The following PTPRM variants were observed in gnomAD, a reference collection of about 807,000 sequenced individuals.
The protein encoded by PTPRM is receptor-type tyrosine-protein phosphatase mu.
PTPRM carries 47 observed loss-of-function variants against 186.7 expected under a neutral mutation model. That is an observed-to-expected ratio of 0.25 (90% CI 0.20 to 0.32). The LOEUF (loss-of-function observed/expected upper bound fraction) is 0.32, where lower values mean the gene tolerates loss of function less well. Among genes scored for constraint, PTPRM ranks in the 10% least tolerant of loss-of-function variants. The pLI is 1.00. For synonymous variants in PTPRM, 668 were observed against 674.9 expected (o/e 0.99, Z 0.16); for missense variants, 1,494 against 1,865.0 (o/e 0.80, Z 3.66).
intron 1 of PTPRM, among the ~76,000 whole-genome samples, chr18:7,655,783 T>C (rs2038832159): frequency 6.6e-6 from 1 of 152,224 alleles, no homozygotes; most frequent in African/African-American, 2.4e-5. Context: ...AGAAGTCAGT[T>C]TGAATAAGTC....
At chr18:8,109,623 T>C (rs952256042) in intron 11 of PTPRM, among the ~76,000 whole-genome samples, 2 of 152,212 alleles carry the variant, frequency 1.3e-5, no homozygotes, top group Non-Finnish European at 2.9e-5. Context: ...AAATGATTTT[T>C]TTCATGTTTG....
intron 7 of PTPRM, among the ~76,000 whole-genome samples, chr18:8,013,956 T>C (rs1766314044): frequency 6.6e-6 from 1 of 152,144 alleles, no homozygotes; most frequent in Non-Finnish European, 1.5e-5. Context: ...TTAGTGAAAA[T>C]TATATCTAAA....
chr18:8,307,814 A>AT (rs201936262), intron 20 of PTPRM, among the ~76,000 whole-genome samples: 3,196 of 152,052 alleles, frequency 0.021, 118 homozygotes, highest in African/African-American at 0.074. Flanking sequence ...CAAAAAAAAA[A>AT]AATAAAAATA....
At chr18:7,864,575 T>C (rs966580663) in intron 2 of PTPRM, among the ~76,000 whole-genome samples, 2 of 152,232 alleles carry the variant, frequency 1.3e-5, no homozygotes, top group African/African-American at 4.8e-5. Flanking sequence ...TTGGTACCAG[T>C]ACCATGCTGT....
intron 1 of PTPRM, among the ~76,000 whole-genome samples, chr18:7,711,886 A>T (rs2040221736): frequency 6.6e-6 from 1 of 152,144 alleles, no homozygotes; most frequent in Non-Finnish European, 1.5e-5. Flanking sequence ...ACCAGGGGGA[A>T]GGGGTGGCTG....
chr18:8,389,693 A>T (rs1176071408), intron 31 of PTPRM, among the ~76,000 whole-genome samples: 1 of 152,124 alleles, frequency 6.6e-6, no homozygotes, highest in African/African-American at 2.4e-5. Flanking sequence ...TATATATCTA[A>T]ATCTAAGGCT....
At chr18:7,665,747 C>T (rs1433377061) in intron 1 of PTPRM, among the ~76,000 whole-genome samples, 3 of 151,866 alleles carry the variant, frequency 2.0e-5, no homozygotes, top group Non-Finnish European at 4.4e-5. Flanking sequence ...CAATGTGAAG[C>T]CTCATCTCTA....
chr18:8,196,397 A>T (rs1246419512), intron 14 of PTPRM, among the ~76,000 whole-genome samples: 1 of 152,170 alleles, frequency 6.6e-6, no homozygotes, highest in African/African-American at 2.4e-5. Flanking sequence ...AACAGGAGAG[A>T]GTGGAATGAG....
At chr18:7,729,030 C>G (rs1247870379) in intron 1 of PTPRM, among the ~76,000 whole-genome samples, 1 of 151,840 alleles carries the variant, frequency 6.6e-6, no homozygotes, top group Non-Finnish European at 1.5e-5. Context: ...CCTGCCTCAG[C>G]CTCCTGAGTA....
At chr18:8,387,901 G>T (rs6506580) in intron 31 of PTPRM, among the ~76,000 whole-genome samples, 1 of 151,338 alleles carries the variant, frequency 6.6e-6, no homozygotes. Flanking sequence ...CACATAGCCC[G>T]CAGCCTTACC....
chr18:8,132,561 C>G (rs2092537379), intron 13 of PTPRM, among the ~76,000 whole-genome samples: 1 of 151,302 alleles, frequency 6.6e-6, no homozygotes, highest in Non-Finnish European at 1.5e-5. Flanking sequence ...TTTTTACTTT[C>G]TGAAGAGCCC....
At chr18:7,808,540 A>G (rs1216660638) in intron 2 of PTPRM, among the ~76,000 whole-genome samples, 2 of 152,328 alleles carry the variant, frequency 1.3e-5, no homozygotes, top group Non-Finnish European at 1.5e-5. Context: ...TAAAGCAAAG[A>G]GTTGTCCTAA....
At chr18:8,040,598 G>A (rs1289888345) in intron 7 of PTPRM, among the ~76,000 whole-genome samples, 1 of 152,118 alleles carries the variant, frequency 6.6e-6, no homozygotes, top group African/African-American at 2.4e-5. Context: ...GTTTCTTGTC[G>A]TTTGCTACCT....
At chr18:7,976,869 C>T (rs530342475) in intron 7 of PTPRM, among the ~76,000 whole-genome samples, 5 of 149,620 alleles carry the variant, frequency 3.3e-5, no homozygotes, top group South Asian at 4.2e-4. Flanking sequence ...TAAATGTATT[C>T]GTTTGTTAAG....
chr18:8,273,968 T>TC (rs1053943207), intron 19 of PTPRM, among the ~76,000 whole-genome samples: 3 of 152,126 alleles, frequency 2.0e-5, no homozygotes, highest in African/African-American at 7.2e-5. Context: ...ATCCCCCAGC[T>TC]CCTCTGCAAT....
At chr18:7,815,035 T>A (rs1258991580) in intron 2 of PTPRM, 2 of 152,126 alleles carry the variant, frequency 1.3e-5, no homozygotes, top group Non-Finnish European at 2.9e-5. Context: ...GAGTTCCTTT[T>A]TCAGGAAACC....
intron 1 of PTPRM, among the ~76,000 whole-genome samples, chr18:7,639,429 CAGGCTGG>C (rs764917437): frequency 3.6e-4 from 55 of 151,214 alleles, no homozygotes; most frequent in Non-Finnish European, 6.5e-4. Flanking sequence ...TCTTGTCCAC[CAGGCTGG>C]AGTGCGATGG....
intron 2 of PTPRM, among the ~76,000 whole-genome samples, chr18:7,795,032 C>G (rs577805707): frequency 4.0e-4 from 61 of 152,314 alleles, no homozygotes; most frequent in African/African-American, 1.4e-3. Context: ...AAAAGATGCT[C>G]TTCTCTCGTC....
At chr18:7,779,622 T>C (rs2042759834) in intron 2 of PTPRM, among the ~76,000 whole-genome samples, 1 of 152,190 alleles carries the variant, frequency 6.6e-6, no homozygotes, top group African/African-American at 2.4e-5. Context: ...ACTTCCCTAT[T>C]TATTCACACT....
Sources: allele counts gnomAD v4.1 joint callset (sites outside exome capture counted in the v4.1 genomes callset), GRCh38; gene constraint gnomAD v4.1.1; transcripts MANE v1.5; gene names NCBI Gene and HGNC (gene_info 2026-07-23, HGNC 2026-07-21).